The following IDE variants were observed in gnomAD, a reference collection of about 807,000 sequenced individuals.
The protein encoded by IDE is insulin degrading enzyme.
In IDE, 58 loss-of-function variants were observed where a neutral mutation model predicts 133.2. That is an observed-to-expected ratio of 0.44 (90% CI 0.35 to 0.54). The LOEUF (loss-of-function observed/expected upper bound fraction) is 0.54, where lower values mean the gene tolerates loss of function less well. Ranked by LOEUF, IDE falls within the 20% of genes least tolerant of loss-of-function variation. The pLI is 0.00. For missense variants in IDE, 981 were observed against 1,234.0 expected, an observed-to-expected ratio of 0.79 and a Z score of 3.07; for synonymous variants, 396 against 421.3, an observed-to-expected ratio of 0.94 and a Z score of 0.73.
chr10:92,546,791 A>T (rs1407938178), intron 1 of IDE, among the ~76,000 whole-genome samples: 1 of 152,220 alleles, frequency 6.6e-6, no homozygotes, highest in Non-Finnish European at 1.5e-5. Context: ...AAGATCTAAA[A>T]ATAAAACTTG....
intron 21 of IDE, among the ~76,000 whole-genome samples, chr10:92,462,868 A>G (rs936002902): frequency 6.6e-5 from 10 of 152,152 alleles, no homozygotes; most frequent in African/African-American, 2.4e-4. Flanking sequence ...AATGAGAGAC[A>G]GTATTATCAT....
At chr10:92,460,877 G>A (rs1845344748) in intron 22 of IDE, among the ~76,000 whole-genome samples, 1 of 152,202 alleles carries the variant, frequency 6.6e-6, no homozygotes, top group Non-Finnish European at 1.5e-5. Context: ...GTTTCGCTCT[G>A]TCACCCAGAC....
At chr10:92,480,410 T>C (rs1263054904) in intron 14 of IDE, 2 of 152,230 alleles carry the variant, frequency 1.3e-5, no homozygotes, top group African/African-American at 4.8e-5. Context: ...ATAATAAATT[T>C]AAATTTGACA....
At chr10:92,565,329 G>GA (rs1215736288) in intron 1 of IDE, among the ~76,000 whole-genome samples, 1 of 147,630 alleles carries the variant, frequency 6.8e-6, no homozygotes, top group Non-Finnish European at 1.5e-5. Context: ...TAAGGAATGA[G>GA]AATTGCTTGA....
At chr10:92,523,825 T>G (rs1475301579) in intron 4 of IDE, among the ~76,000 whole-genome samples, 3 of 151,946 alleles carry the variant, frequency 2.0e-5, no homozygotes, top group African/African-American at 4.8e-5. Flanking sequence ...TTGTTCCCAC[T>G]CACTCTTTGA....
chr10:92,461,312 T>C, intron 21 of IDE, 60 bp from the exon 22 acceptor site: 1 of 810,394 alleles, frequency 1.2e-6, no homozygotes, highest in Non-Finnish European at 2.1e-6. Context: ...CCCAGAACAG[T>C]ACACTAAATG....
intron 11 of IDE, among the ~76,000 whole-genome samples, chr10:92,493,316 G>C (rs1188519737): frequency 6.6e-6 from 1 of 151,780 alleles, no homozygotes; most frequent in African/African-American, 2.4e-5. Flanking sequence ...TTCTCAAGGA[G>C]ACTTCTAAAA....
At chr10:92,524,362 AT>A (rs1300579026) in intron 4 of IDE, among the ~76,000 whole-genome samples, 6 of 7,228 alleles carry the variant, frequency 8.3e-4, no homozygotes, top group East Asian at 3.6e-3. Flanking sequence ...TATATTTTAT[AT>A]TATAATATAT....
intron 4 of IDE, among the ~76,000 whole-genome samples, chr10:92,530,297 AG>A (rs1005359911): frequency 1.3e-5 from 2 of 150,906 alleles, no homozygotes; most frequent in Non-Finnish European, 3.0e-5. Context: ...ACAAAAAAAA[AG>A]TTGTTGTTTT....
chr10:92,569,271 C>G (rs1843684623), intron 1 of IDE, among the ~76,000 whole-genome samples: 1 of 152,166 alleles, frequency 6.6e-6, no homozygotes, highest in Admixed American at 6.5e-5. Flanking sequence ...CAACAGAATG[C>G]TTACATGCTG....
At chr10:92,559,945 C>T (rs1030758624) in intron 1 of IDE, among the ~76,000 whole-genome samples, 1 of 152,078 alleles carries the variant, frequency 6.6e-6, no homozygotes, top group African/African-American at 2.4e-5. Context: ...CTATGTTGCA[C>T]AGGCTAGTTT....
intron 15 of IDE, among the ~76,000 whole-genome samples, chr10:92,476,676 A>G (rs548049941): frequency 3.5e-4 from 54 of 152,218 alleles, no homozygotes; most frequent in Non-Finnish European, 7.6e-4. Context: ...CTGAAACAAA[A>G]CCAACAGTAA....
At chr10:92,567,104 T>C (rs1312466855) in intron 1 of IDE, among the ~76,000 whole-genome samples, 4 of 152,308 alleles carry the variant, frequency 2.6e-5, no homozygotes, top group East Asian at 3.9e-4. Context: ...CTCAGTCCTG[T>C]CCACTACCCT....
intron 22 of IDE, among the ~76,000 whole-genome samples, chr10:92,458,352 C>A (rs1008788374): frequency 6.6e-6 from 1 of 152,064 alleles, no homozygotes. Flanking sequence ...TCTAAGAATG[C>A]GAATAGTCTT....
At chr10:92,568,225 A>C (rs927795950) in intron 1 of IDE, among the ~76,000 whole-genome samples, 1 of 151,962 alleles carries the variant, frequency 6.6e-6, no homozygotes, top group Non-Finnish European at 1.5e-5. Flanking sequence ...GGTTCTGGCT[A>C]GAGAAATACA....
chr10:92,504,977 A>C, intron 10 of IDE, 80 bp from the exon 11 acceptor site: 4 of 678,534 alleles, frequency 5.9e-6, no homozygotes, highest in Non-Finnish European at 9.9e-6. Flanking sequence ...TAACACATTA[A>C]ATTCATTACT....
intron 11 of IDE, among the ~76,000 whole-genome samples, chr10:92,499,186 T>G (rs1271828399): frequency 4.6e-5 from 7 of 151,984 alleles, no homozygotes; most frequent in Non-Finnish European, 1.0e-4. Context: ...TTATTGGTGG[T>G]TTTTCTTTTT....
chr10:92,460,732 C>T (rs541239707), intron 22 of IDE, among the ~76,000 whole-genome samples: 2 of 152,294 alleles, frequency 1.3e-5, no homozygotes, highest in East Asian at 3.9e-4. Flanking sequence ...TATCTTTATT[C>T]TAAAAGTCAT....
At position 92,519,996 on chromosome 10, in the gene IDE, C is replaced by T. The variant is rs187473810; in HGVS notation, c.662-4954G>A. Among the ~76,000 whole-genome samples, 294 of 152,058 alleles carry T rather than the reference C, an allele frequency of 1.9e-3. 3 individuals are homozygous for T. Among genetic ancestry groups the T allele is most frequent in the Non-Finnish European group, 3.5e-3 (235 of 67,984 alleles). ...GTGGTCACCTGTAGTCCCAGCTACT[C>T]GGGGAGGCCGAGGCAGGAGAATCGC... On this transcript the variant is annotated intron_variant, in intron 4 of 24. Coordinates refer to ENST00000265986, the MANE Select transcript of IDE (RefSeq NM_004969.4).
Sources: allele counts gnomAD v4.1 joint callset (sites outside exome capture counted in the v4.1 genomes callset), GRCh38; gene constraint gnomAD v4.1.1; transcripts MANE v1.5; gene names NCBI Gene and HGNC (gene_info 2026-07-23, HGNC 2026-07-21).